Variants in STT3A observed in about 807,000 individuals in gnomAD.
STT3A encodes the protein STT3 oligosaccharyltransferase complex catalytic subunit A, also known as dolichyl-diphosphooligosaccharide--protein glycosyltransferase subunit STT3A.
A neutral mutation model predicts 89.2 loss-of-function variants in STT3A; 34 were observed. That is an observed-to-expected ratio of 0.38 (90% CI 0.29 to 0.51). STT3A has a LOEUF of 0.51. Ranked by LOEUF, STT3A falls within the 20% of genes least tolerant of loss-of-function variation. The pLI, the probability that STT3A is intolerant of heterozygous loss-of-function variation, is 0.89. For missense variants in STT3A, 555 were observed against 889.5 expected, an observed-to-expected ratio of 0.62 and a Z score of 4.78; for synonymous variants, 282 against 310.3, an observed-to-expected ratio of 0.91 and a Z score of 0.96.
intron 12 of STT3A, 63 bp from the exon 13 acceptor site, chr11:125,612,926 T>A (rs1454805832): frequency 1.3e-6 from 2 of 1,573,366 alleles, no homozygotes; most frequent in East Asian, 4.5e-5. Context: ...GTCTAAGAAG[T>A]TGTCCTGTGT....
At chr11:125,595,810 C>T in intron 1 of STT3A, 71 bp from the exon 2 acceptor site, 1 of 773,752 alleles carries the variant, frequency 1.3e-6, no homozygotes, top group South Asian at 1.6e-5. Flanking sequence ...GATTCCCTCT[C>T]ATCATAAAAT....
At chr11:125,604,005 A>G in intron 5 of STT3A, 152 bp from the exon 6 acceptor site, 1 of 746,204 alleles carries the variant, frequency 1.3e-6, no homozygotes, top group Non-Finnish European at 2.1e-6. Context: ...TTGTGCTGTG[A>G]GCATTTCTAG....
At chr11:125,618,954 G>A (rs1413800149) in intron 16 of STT3A, among the ~76,000 whole-genome samples, 1 of 152,072 alleles carries the variant, frequency 6.6e-6, no homozygotes, top group Admixed American at 6.6e-5. Flanking sequence ...GGCTGGTCTG[G>A]AACTCCTGAG....
intron 3 of STT3A, among the ~76,000 whole-genome samples, chr11:125,598,115 G>A (rs1939550090): frequency 6.6e-6 from 1 of 152,186 alleles, no homozygotes; most frequent in Non-Finnish European, 1.5e-5. Flanking sequence ...TAGAGACTGA[G>A]GCAGGAGAAT....
At chr11:125,615,861 A>T (rs1565351717) in intron 15 of STT3A, among the ~76,000 whole-genome samples, 1 of 151,986 alleles carries the variant, frequency 6.6e-6, no homozygotes, top group Non-Finnish European at 1.5e-5. Flanking sequence ...ACATGATGAA[A>T]CCCCGTCTCT....
chr11:125,617,239 T>C (rs968620965), intron 15 of STT3A, among the ~76,000 whole-genome samples: 1 of 152,204 alleles, frequency 6.6e-6, no homozygotes, highest in African/African-American at 2.4e-5. Flanking sequence ...GACAAACAAC[T>C]TACTAAATGC....
At chr11:125,594,529 A>G (rs1332544771) in intron 1 of STT3A, among the ~76,000 whole-genome samples, 2 of 145,816 alleles carry the variant, frequency 1.4e-5, no homozygotes, top group African/African-American at 2.5e-5. Context: ...GGTTGCAGTG[A>G]GCCGAGATGG....
At chr11:125,617,198 A>G (rs1940203287) in intron 15 of STT3A, among the ~76,000 whole-genome samples, 1 of 152,234 alleles carries the variant, frequency 6.6e-6, no homozygotes, top group Admixed American at 6.5e-5. Flanking sequence ...GAACGAAGAT[A>G]GTAATATTAT....
rs1314897712 is a variant in STT3A, at chr11:125,614,741, T to G, written c.1774+315T>G. ...GACAATGAACTTAAGAATTAGCATTTTTTTAGTGGTTTTAAGCCATATAAT... is the reference window on the plus strand; with the variant it reads ...GACAATGAACTTAAGAATTAGCATTGTTTTAGTGGTTTTAAGCCATATAAT... On this transcript the variant is annotated intron_variant, in intron 15 of 17. Coordinates refer to ENST00000392708, the MANE Select transcript of STT3A (RefSeq NM_152713.5). This position sits in a 1 kb window ranked among gnomAD's most constrained non-coding sequence, Gnocchi z 4.9. 6.6e-6 allele frequency among the ~76,000 whole-genome samples: 1 copy of G among 152,038 alleles called. No homozygotes were observed. The highest frequency in any genetic ancestry group is 1.5e-5 in the Non-Finnish European group (1 of 68,002).
At chr11:125,617,014 A>G (rs1356992795) in intron 15 of STT3A, among the ~76,000 whole-genome samples, 2 of 152,090 alleles carry the variant, frequency 1.3e-5, no homozygotes, top group African/African-American at 4.8e-5. Flanking sequence ...CATAGAGCTT[A>G]TGAGGTTTTT....
intron 11 of STT3A, among the ~76,000 whole-genome samples, chr11:125,612,241 G>A (rs1328383372): frequency 1.3e-5 from 2 of 152,208 alleles, no homozygotes; most frequent in East Asian, 3.9e-4. Context: ...TAGGTAAATG[G>A]TTGTTAATAC....
chr11:125,612,533 C>CT (rs1940057638), intron 11 of STT3A, 59 bp from the exon 12 acceptor site: 4 of 1,549,038 alleles, frequency 2.6e-6, no homozygotes, highest in Non-Finnish European at 3.5e-6. Flanking sequence ...TACTAATAGG[C>CT]TGAAATCTGT....
Position 125,614,130 on chromosome 11 carries a change from C to T in STT3A, c.1598C>T (p.Thr533Ile). The T allele has an allele frequency of 6.2e-7, 1 of 1,614,132 alleles. No individual in the cohort carries two copies. The highest frequency in any genetic ancestry group is 8.5e-7 in the Non-Finnish European group (1 of 1,180,026). ...MSWWDYGYQITAMANRTILVD... is the reference protein window; with the variant it reads ...MSWWDYGYQIIAMANRTILVD... The stretch of plus-strand genomic sequence containing the variant: ...TGGTGGGATTATGGCTATCAGATTA[C>T]AGCTATGGCAAACCGAACAATTTTA... Residue 533 changes from threonine to isoleucine, a missense_variant, in exon 14 of 18, where the codon ACA (threonine) becomes ATA (isoleucine). Around this residue, in one of 5 missense-constraint regions of STT3A, gnomAD observed 273 missense variants for 449.8 expected, o/e 0.61. Coordinates refer to ENST00000392708, the MANE Select transcript of STT3A (RefSeq NM_152713.5). This position sits in a 1 kb window ranked among gnomAD's most constrained non-coding sequence, Gnocchi z 4.9.
At chr11:125,597,037 A>G in intron 2 of STT3A, 22 bp from the exon 3 acceptor site, 1 of 1,613,770 alleles carries the variant, frequency 6.2e-7, no homozygotes, top group East Asian at 2.2e-5. Context: ...CCAATAAAAT[A>G]TTAACTCTCT....
intron 6 of STT3A, among the ~76,000 whole-genome samples, chr11:125,604,839 T>C (rs2135922396): frequency 6.6e-6 from 1 of 152,282 alleles, no homozygotes; most frequent in East Asian, 1.9e-4. Context: ...GGGCTGAGCT[T>C]GGTGGCTCAC....
chr11:125,615,344 A>G (rs967645009), intron 15 of STT3A, among the ~76,000 whole-genome samples: 1 of 152,222 alleles, frequency 6.6e-6, no homozygotes, highest in East Asian at 1.9e-4. Flanking sequence ...CCCCCTTAAC[A>G]TCAGTCCCCA....
intron 6 of STT3A, among the ~76,000 whole-genome samples, chr11:125,604,863 G>A (rs1939786200): frequency 6.6e-6 from 1 of 152,202 alleles, no homozygotes; most frequent in Admixed American, 6.5e-5. Context: ...CTGTTATCCA[G>A]TACTTTCAGA....
intron 8 of STT3A, among the ~76,000 whole-genome samples, chr11:125,607,693 T>C (rs1301678057): frequency 6.6e-6 from 1 of 152,236 alleles, no homozygotes; most frequent in African/African-American, 2.4e-5. Flanking sequence ...ACCACCGATC[T>C]AAGGCAAAGA....
rs1002320867 is a variant in STT3A at position 125,612,654 on chromosome 11, G to A, written c.1272G>A (p.Gln424=). The change falls in exon 12 of 18, where the codon CAG becomes CAA. Residue 424 remains glutamine (Q), a synonymous_variant. Transcript: ENST00000392708. ...MCILSGIGVS[Q]VLSTYMKNLD... ...TTCTCTCTGGCATTGGAGTCTCCCA[G>A]GTGCTGTCCACATACATGAAGAATC... is the stretch of plus-strand genomic sequence containing the variant. 1.2e-6 allele frequency: 2 copies of A among 1,614,148 alleles called. No individual in the cohort carries two copies. Among genetic ancestry groups the A allele is most frequent in the Admixed American group, 1.7e-5 (1 of 60,012 alleles).
Sources: gnomAD v4.1 joint callset for allele counts (sites outside exome capture counted in the v4.1 genomes callset) on GRCh38, gnomAD v4.1.1 for gene constraint, gnomAD v4.1.1 regional missense constraint, Gnocchi (gnomAD v3.1) non-coding constraint, MANE v1.5 for transcripts, NCBI Gene and HGNC (gene_info 2026-07-23, HGNC 2026-07-21) for gene names.